Variants in ADK observed in about 807,000 individuals in gnomAD.
ADK encodes adenosine kinase.
Under a neutral mutation model 44.7 loss-of-function variants are expected in ADK, and 24 were observed. The observed-to-expected ratio is 0.54, with a 90% CI of 0.39 to 0.76. The LOEUF is 0.76. Among genes scored for constraint, ADK ranks in the 30% least tolerant of loss-of-function variants. ADK has a pLI of 0.00. For synonymous variants in ADK, 128 were observed against 142.6 expected (o/e 0.90, Z 0.73); for missense variants, 321 against 425.1 (o/e 0.76, Z 2.15).
At chr10:74,331,885 CTT>C (rs1278210030) in intron 4 of ADK, among the ~76,000 whole-genome samples, 1 of 152,170 alleles carries the variant, frequency 6.6e-6, no homozygotes, top group Admixed American at 6.5e-5. Flanking sequence ...CAAAGTCACG[CTT>C]TGTCACCCAG....
chr10:74,590,625 A>G (rs1407317294), intron 8 of ADK, among the ~76,000 whole-genome samples: 2 of 152,136 alleles, frequency 1.3e-5, no homozygotes, highest in East Asian at 3.9e-4. Context: ...AGTTTCTTAC[A>G]AGTTTGCTTT....
chr10:74,691,517 A>T (rs986471664), intron 10 of ADK, among the ~76,000 whole-genome samples: 4 of 152,176 alleles, frequency 2.6e-5, no homozygotes, highest in African/African-American at 4.8e-5. Context: ...GGGGTGAGGG[A>T]TGGAGGCAGC....
At position 74,546,903 on chromosome 10, in the gene ADK, T is replaced by C. The variant is rs1243840960; in HGVS notation, c.726+21477T>C. Among the ~76,000 whole-genome samples, 5 of 152,172 alleles carry C rather than the reference T, an allele frequency of 3.3e-5. No individual in the cohort carries two copies. The East Asian group carries it at 9.6e-4, about 29-fold the overall frequency. On this transcript the variant is annotated intron_variant, in intron 7 of 10. Coordinates refer to ENST00000539909, the MANE Select transcript of ADK (RefSeq NM_006721.4). ...TCTGACTCTAACAATGCATGCTCATTGTAGAGCGTTAAAAATACAAAAACA... is the reference window on the plus strand; with the variant it reads ...TCTGACTCTAACAATGCATGCTCATCGTAGAGCGTTAAAAATACAAAAACA...
At chr10:74,349,395 A>G (rs191292011) in intron 4 of ADK, among the ~76,000 whole-genome samples, 158 of 152,316 alleles carry the variant, frequency 1.0e-3, no homozygotes, top group African/African-American at 3.7e-3. Flanking sequence ...GGCCTGCCTT[A>G]CAAGAGCTCC....
chr10:74,428,062 C>G (rs1844863376), intron 6 of ADK, among the ~76,000 whole-genome samples: 1 of 152,112 alleles, frequency 6.6e-6, no homozygotes, highest in African/African-American at 2.4e-5. Context: ...ATTATAACTT[C>G]AATTCCTGCC....
intron 7 of ADK, among the ~76,000 whole-genome samples, chr10:74,538,865 T>C (rs572270373): frequency 6.6e-6 from 1 of 152,328 alleles, no homozygotes; most frequent in South Asian, 2.1e-4. Flanking sequence ...TAAATAACTT[T>C]GATACAGGTT....
chr10:74,244,309 ATAAG>A (rs1180129692), intron 3 of ADK, among the ~76,000 whole-genome samples: 1 of 152,230 alleles, frequency 6.6e-6, no homozygotes, highest in Non-Finnish European at 1.5e-5. Context: ...ATCTGCGACA[ATAAG>A]TAGGAAAAAT....
At chr10:74,679,998 G>T (rs1855543805) in intron 10 of ADK, among the ~76,000 whole-genome samples, 1 of 150,130 alleles carries the variant, frequency 6.7e-6, no homozygotes, top group Non-Finnish European at 1.5e-5. Context: ...GTATAGAACT[G>T]TAAGTTCTAT....
At chr10:74,571,892 T>C (rs1467777231) in intron 7 of ADK, among the ~76,000 whole-genome samples, 4 of 152,226 alleles carry the variant, frequency 2.6e-5, no homozygotes, top group Non-Finnish European at 5.9e-5. Context: ...TGAGCCTATG[T>C]GTGTCTCTGC....
chr10:74,598,553 G>A (rs962608951), intron 8 of ADK, among the ~76,000 whole-genome samples: 6 of 147,258 alleles, frequency 4.1e-5, no homozygotes, highest in Admixed American at 2.1e-4. Context: ...GGGTTCAAGC[G>A]ATTCTCCTGC....
intron 7 of ADK, chr10:74,530,501 T>C (rs16931490): frequency 6.6e-6 from 1 of 152,056 alleles, no homozygotes; most frequent in South Asian, 2.1e-4. Context: ...TTAAAAAAAA[T>C]AATACCTTGT....
intron 4 of ADK, among the ~76,000 whole-genome samples, chr10:74,334,381 C>G (rs140266878): frequency 2.0e-5 from 3 of 152,288 alleles, no homozygotes; most frequent in African/African-American, 7.2e-5. Context: ...TGGTGGATTC[C>G]CTGAGTTCAG....
intron 3 of ADK, among the ~76,000 whole-genome samples, chr10:74,289,234 G>A (rs954157411): frequency 6.6e-6 from 1 of 152,142 alleles, no homozygotes; most frequent in East Asian, 1.9e-4. Context: ...ATTGTTTTTT[G>A]TAGAGACAAG....
At chr10:74,315,323 A>G (rs1461316842) in intron 4 of ADK, among the ~76,000 whole-genome samples, 1 of 152,168 alleles carries the variant, frequency 6.6e-6, no homozygotes, top group Admixed American at 6.5e-5. Context: ...ATAGACATAT[A>G]TGTTGGTAGA....
rs144745156 is a variant in ADK, at chr10:74,307,279, G to A, written c.195-7388G>A. Among the ~76,000 whole-genome samples the A allele has an allele frequency of 3.2e-3, 488 of 152,298 alleles. 2 individuals are homozygous for A. The highest frequency in any genetic ancestry group is 3.9e-3 in the Non-Finnish European group (267 of 68,028). Reference sequence around the variant, plus strand: ...TATTTTGGTTAACCTCTTTAACTTAGCATTCAGTTTCAGAATTCAGCAAAT... The same window carrying A: ...TATTTTGGTTAACCTCTTTAACTTAACATTCAGTTTCAGAATTCAGCAAAT... On this transcript the variant is annotated intron_variant, in intron 3 of 10. Coordinates refer to ENST00000539909, the MANE Select transcript of ADK (RefSeq NM_006721.4).
chr10:74,290,948 GCTT>G (rs1407899361), intron 3 of ADK, among the ~76,000 whole-genome samples: 5 of 152,136 alleles, frequency 3.3e-5, no homozygotes, highest in Admixed American at 3.3e-4. Flanking sequence ...AAAATGGGCT[GCTT>G]CTTGCTTTTA....
chr10:74,434,661 G>T (rs1485860388), intron 6 of ADK, among the ~76,000 whole-genome samples: 2 of 152,124 alleles, frequency 1.3e-5, no homozygotes, highest in South Asian at 4.2e-4. Context: ...AGCTAAAACT[G>T]GTCTGTTTGG....
intron 7 of ADK, among the ~76,000 whole-genome samples, chr10:74,539,533 G>C (rs1849558226): frequency 6.6e-6 from 1 of 152,234 alleles, no homozygotes; most frequent in Non-Finnish European, 1.5e-5. Flanking sequence ...CTTCCTAAGA[G>C]AGGTGGAAGT....
intron 2 of ADK, among the ~76,000 whole-genome samples, chr10:74,221,109 A>T (rs1051033359): frequency 1.5e-5 from 2 of 132,890 alleles, no homozygotes; most frequent in Admixed American, 1.5e-4. Context: ...ATGATTGTAT[A>T]TCTAGAAAAC....
Sources: gnomAD v4.1 joint callset for allele counts (sites outside exome capture counted in the v4.1 genomes callset) on GRCh38, gnomAD v4.1.1 for gene constraint, MANE v1.5 for transcripts, NCBI Gene and HGNC (gene_info 2026-07-23, HGNC 2026-07-21) for gene names.